The following MTUS2 variants were observed in gnomAD, a reference collection of about 807,000 sequenced individuals.
MTUS2 encodes the protein microtubule-associated tumor suppressor candidate 2.
Under a neutral mutation model 114.1 loss-of-function variants are expected in MTUS2, and 40 were observed. The observed-to-expected ratio is 0.35, with a 90% CI of 0.27 to 0.46. The LOEUF (loss-of-function observed/expected upper bound fraction) is 0.46, where lower values mean the gene tolerates loss of function less well. MTUS2 is among the 20% of genes least tolerant of loss of function. MTUS2 has a pLI of 1.00. For missense variants in MTUS2, 1,679 were observed against 1,705.4 expected, an observed-to-expected ratio of 0.98 and a Z score of 0.27; for synonymous variants, 688 against 672.0, an observed-to-expected ratio of 1.02 and a Z score of -0.37.
intron 8 of MTUS2, among the ~76,000 whole-genome samples, chr13:29,390,548 G>A (rs556692667): frequency 6.6e-6 from 1 of 151,148 alleles, no homozygotes; most frequent in East Asian, 2.0e-4. Flanking sequence ...AGCTACCCAG[G>A]AGGCTGAGGC....
At chr13:29,205,120 T>C (rs1895129043) in intron 5 of MTUS2, among the ~76,000 whole-genome samples, 2 of 152,238 alleles carry the variant, frequency 1.3e-5, no homozygotes, top group South Asian at 4.1e-4. Context: ...AAGGGTGTTC[T>C]CTTTGATCAG....
chr13:28,997,761 C>G (rs940002090), intron 2 of MTUS2, among the ~76,000 whole-genome samples: 10 of 150,170 alleles, frequency 6.7e-5, no homozygotes, highest in Admixed American at 6.7e-5. Context: ...TCCTCCATCC[C>G]TTTATTTTGA....
At chr13:28,909,166 G>C (rs373451643) in intron 2 of MTUS2, among the ~76,000 whole-genome samples, 1 of 149,932 alleles carries the variant, frequency 6.7e-6, no homozygotes, top group Non-Finnish European at 1.5e-5. Flanking sequence ...TTGACTTGGC[G>C]ATGCGGGCTT....
intron 2 of MTUS2, among the ~76,000 whole-genome samples, chr13:28,971,728 T>A (rs1354209597): frequency 1.3e-5 from 2 of 152,204 alleles, no homozygotes; most frequent in Non-Finnish European, 2.9e-5. Flanking sequence ...TTGAGCTCGT[T>A]TACTTCTCAT....
At chr13:29,481,375 C>T (rs937584286) in intron 10 of MTUS2, among the ~76,000 whole-genome samples, 15 of 152,150 alleles carry the variant, frequency 9.9e-5, no homozygotes, top group Non-Finnish European at 1.8e-4. Flanking sequence ...CCACCACCCC[C>T]GCTTCCATGA....
At chr13:29,502,901 G>A in intron 15 of MTUS2, 92 bp from the exon 16 acceptor site, 1 of 1,294,482 alleles carries the variant, frequency 7.7e-7, no homozygotes, top group Non-Finnish European at 1.1e-6. Flanking sequence ...CGGTCATCAT[G>A]GCCTCCTCCC....
chr13:28,947,864 GA>G (rs1323753729), intron 2 of MTUS2, among the ~76,000 whole-genome samples: 6 of 152,192 alleles, frequency 3.9e-5, no homozygotes, highest in African/African-American at 1.4e-4. Context: ...GATGCTTTTA[GA>G]AATAGAGCCC....
At chr13:29,303,929 A>G (rs1181352176) in intron 6 of MTUS2, among the ~76,000 whole-genome samples, 2 of 152,248 alleles carry the variant, frequency 1.3e-5, no homozygotes, top group African/African-American at 2.4e-5. Context: ...TCAGACTAAC[A>G]GTAGACTTCT....
At chr13:29,365,834 C>T (rs541533833) in intron 8 of MTUS2, among the ~76,000 whole-genome samples, 19 of 152,168 alleles carry the variant, frequency 1.2e-4, no homozygotes, top group African/African-American at 3.9e-4. Context: ...ATGTCACTGG[C>T]GACTTATTTG....
intron 4 of MTUS2, among the ~76,000 whole-genome samples, chr13:29,100,173 T>C (rs1890348039): frequency 6.6e-6 from 1 of 152,186 alleles, no homozygotes; most frequent in Non-Finnish European, 1.5e-5. Context: ...CTTTAAGTGT[T>C]AGGACAAGGG....
In MTUS2 at chr13:28,820,469, G is replaced by A. The variant is rs913938044; in HGVS notation, c.-458G>A. On this transcript the variant is annotated 5_prime_UTR_variant, in exon 1 of 16. Coordinates refer to ENST00000612955, the MANE Select transcript of MTUS2 (RefSeq NM_001033602.4). ...CGGAAACCCTTGACCGCTTAGCGGAGTACAGACCTGTCGGTAAATAGAAAA... is the reference window on the plus strand; with the variant it reads ...CGGAAACCCTTGACCGCTTAGCGGAATACAGACCTGTCGGTAAATAGAAAA... 7 of 152,314 alleles carry A rather than the reference G, an allele frequency of 4.6e-5. No homozygotes were observed. The highest frequency in any genetic ancestry group is 1.0e-4 in the Non-Finnish European group (7 of 68,118). 9.4% of individuals were successfully genotyped at this position (152,314 alleles called of 1,614,324 possible).
At chr13:29,453,527 G>A (rs1469988871) in intron 9 of MTUS2, among the ~76,000 whole-genome samples, 1 of 152,198 alleles carries the variant, frequency 6.6e-6, no homozygotes, top group Non-Finnish European at 1.5e-5. Flanking sequence ...CCAGTGTAGG[G>A]AGCAAGGTAC....
chr13:29,490,985 A>ATG (rs71090259), intron 11 of MTUS2, among the ~76,000 whole-genome samples: 14,853 of 148,290 alleles, frequency 0.1, 925 homozygotes, highest in African/African-American at 0.18. Flanking sequence ...AGAAGTGTGG[A>ATG]TGTGTGTGTG....
At chr13:28,902,936 A>G (rs1004776591) in intron 2 of MTUS2, among the ~76,000 whole-genome samples, 2 of 152,178 alleles carry the variant, frequency 1.3e-5, no homozygotes, top group Admixed American at 1.3e-4. Context: ...CTCCAGTGAA[A>G]TCAGCTGGGC....
At chr13:29,258,781 G>A (rs1007777142) in intron 5 of MTUS2, among the ~76,000 whole-genome samples, 10 of 152,004 alleles carry the variant, frequency 6.6e-5, no homozygotes, top group Non-Finnish European at 1.3e-4. Flanking sequence ...GCTGCAGACT[G>A]ACCCACTCTT....
At chr13:29,369,813 G>A (rs1232300436) in intron 8 of MTUS2, among the ~76,000 whole-genome samples, 1 of 152,186 alleles carries the variant, frequency 6.6e-6, no homozygotes, top group Admixed American at 6.5e-5. Context: ...TGACAAAATA[G>A]ATAGGAGGTG....
chr13:28,853,988 G>A (rs1876466795), intron 2 of MTUS2, among the ~76,000 whole-genome samples: 1 of 152,180 alleles, frequency 6.6e-6, no homozygotes, highest in Non-Finnish European at 1.5e-5. Context: ...GAATAAACAA[G>A]TACACTTGTA....
chr13:28,965,514 A>G (rs1883538677), intron 2 of MTUS2, among the ~76,000 whole-genome samples: 1 of 152,200 alleles, frequency 6.6e-6, no homozygotes, highest in South Asian at 2.1e-4. Flanking sequence ...TGCCTGAGCG[A>G]TTGGTTGTAT....
At chr13:29,264,298 CT>C (rs1451476753) in intron 5 of MTUS2, among the ~76,000 whole-genome samples, 1 of 152,236 alleles carries the variant, frequency 6.6e-6, no homozygotes, top group Non-Finnish European at 1.5e-5. Flanking sequence ...CCCACTGTGG[CT>C]TTGCAGGGTT....
Sources: allele counts gnomAD v4.1 joint callset (sites outside exome capture counted in the v4.1 genomes callset), GRCh38; gene constraint gnomAD v4.1.1; transcripts MANE v1.5; gene names NCBI Gene and HGNC (gene_info 2026-07-23, HGNC 2026-07-21).